Variants in GAN observed in about 807,000 individuals in gnomAD.
The protein encoded by GAN is epididymis secretory sperm binding protein.
In GAN, 48 loss-of-function variants were observed where a neutral mutation model predicts 71.3. The observed-to-expected ratio is 0.67, with a 90% confidence interval of 0.53 to 0.86. The LOEUF (loss-of-function observed/expected upper bound fraction) is 0.86, where lower values mean the gene tolerates loss of function less well. Among genes scored for constraint, GAN ranks in the 40% least tolerant of loss-of-function variants. The pLI is 0.00. For synonymous variants in GAN, 386 were observed against 276.8 expected (o/e 1.39, Z -3.92); for missense variants, 928 against 770.1 (o/e 1.21, Z -2.43).
intron 1 of GAN, among the ~76,000 whole-genome samples, chr16:81,335,805 G>GA (rs1331585149): frequency 6.6e-6 from 1 of 151,468 alleles, no homozygotes; most frequent in Non-Finnish European, 1.5e-5. Flanking sequence ...TCTGTGTGAG[G>GA]AAAAAAGTTT....
chr16:81,369,564 T>G (rs1050036020), intron 9 of GAN, among the ~76,000 whole-genome samples: 9 of 152,382 alleles, frequency 5.9e-5, no homozygotes, highest in East Asian at 3.9e-4. Context: ...CTAGCTTCTT[T>G]GGGTAGAATT....
chr16:81,330,025 C>A (rs892223308), intron 1 of GAN, among the ~76,000 whole-genome samples: 1 of 152,280 alleles, frequency 6.6e-6, no homozygotes, highest in South Asian at 2.1e-4. Context: ...ATCATCACCT[C>A]GCTCACTCTC....
chr16:81,353,388 G>T (rs762518240), intron 2 of GAN, among the ~76,000 whole-genome samples: 1 of 151,236 alleles, frequency 6.6e-6, no homozygotes, highest in East Asian at 1.9e-4. Context: ...TTTTTTTCAC[G>T]TGCCTATATT....
At position 81,387,350 on chromosome 16, in the gene GAN, C is replaced by T. The variant is rs310019; in HGVS notation, c.*9754C>T. On this transcript the variant is annotated 3_prime_UTR_variant, in exon 11 of 11. Transcript: ENST00000648994. ...GGTTGGCACGGCAACCTTCCCACTC[C>T]GTAGGTGGGTAGCCTTGCTGATGGG... 0.35 allele frequency: 52,774 copies of T among 151,958 alleles called. 9,395 individuals carry two copies. Among genetic ancestry groups the T allele is most frequent in the Non-Finnish European group, 0.37 (25,447 of 67,972 alleles). The allele number at this position is 151,958 out of a possible 1,614,324, so 9.4% of individuals were successfully genotyped here.
intron 1 of GAN, among the ~76,000 whole-genome samples, chr16:81,348,315 T>G (rs1200273708): frequency 2.0e-5 from 3 of 152,270 alleles, no homozygotes; most frequent in East Asian, 3.8e-4. Context: ...CAATATCCTG[T>G]CTTTTCCCTC....
chr16:81,377,328 GGTAAGAGTGTTACA>G lies in GAN; in HGVS notation c.1612+3_1612+16del. The G allele has an allele frequency of 6.3e-7, 1 of 1,584,092 alleles. No individual in the cohort carries two copies. The highest frequency in any genetic ancestry group is 8.7e-7 in the Non-Finnish European group (1 of 1,152,564). Reference sequence around the variant, plus strand: ...TTATGTTATTGGAGATCTTGATACAGGTAAGAGTGTTACAGTGATTTTCTTGGAACTGTTTCCTG... The same window carrying G: ...TTATGTTATTGGAGATCTTGATACAGGTGATTTTCTTGGAACTGTTTCCTG... On this transcript the variant is annotated splice_donor_variant and splice_donor_5th_base_variant and intron_variant, in intron 10 of 10. Coordinates refer to ENST00000648994, the MANE Select transcript of GAN (RefSeq NM_022041.4). LOFTEE classifies it high-confidence loss of function.
At chr16:81,363,137 A>C (rs377033881) in intron 6 of GAN, among the ~76,000 whole-genome samples, 80 of 152,342 alleles carry the variant, frequency 5.3e-4, no homozygotes, top group African/African-American at 1.9e-3. Context: ...TATGATCCCA[A>C]ATAGCCTTGG....
rs369086429 is a variant in GAN, at chr16:81,315,185, C to T, written c.72C>T (p.Arg24=). Residue 24 remains arginine, a synonymous_variant, in exon 1 of 11, where the codon CGC becomes CGT. Transcript: ENST00000648994. The part of the protein sequence containing the change: ...ARLLRALSSF[R]EESRFCDAHL... The stretch of plus-strand genomic sequence containing the variant: ...TGCTGCGAGCGCTCAGCTCTTTCCG[C>T]GAGGAGTCTCGCTTCTGCGACGCGC... 25 of 1,573,562 alleles carry T rather than the reference C, an allele frequency of 1.6e-5. No homozygotes were observed. The South Asian group carries it at 2.9e-4, about 18-fold the overall frequency.
rs568868137 is a variant in GAN at position 81,384,614 on chromosome 16, A to G, written c.*7018A>G. 1 of 152,274 alleles carries G rather than the reference A, an allele frequency of 6.6e-6. No individual in the cohort carries two copies. The highest frequency in any genetic ancestry group is 1.9e-4 in the East Asian group (1 of 5,188). The allele number at this position is 152,274 out of a possible 1,614,324, so 9.4% of individuals were successfully genotyped here. On this transcript the variant is annotated 3_prime_UTR_variant, in exon 11 of 11. Transcript: ENST00000648994. Reference sequence around the variant, plus strand: ...TATAAGGTGCTATTGTTTCCCAGAAATCTTTAATTTTGATGAAAATCTACT... The same window carrying G: ...TATAAGGTGCTATTGTTTCCCAGAAGTCTTTAATTTTGATGAAAATCTACT...
intron 9 of GAN, among the ~76,000 whole-genome samples, chr16:81,372,908 G>A (rs1178080945): frequency 6.6e-6 from 1 of 152,144 alleles, no homozygotes; most frequent in Non-Finnish European, 1.5e-5. Context: ...TTTATTGGAG[G>A]CATTTGGGAG....
chr16:81,356,837 G>A lies in GAN; in HGVS notation c.686G>A (p.Ser229Asn), dbSNP rs1910502298. 6.2e-7 allele frequency: 1 copy of A among 1,613,996 alleles called. No homozygotes were observed. Among genetic ancestry groups the A allele is most frequent in the Non-Finnish European group, 8.5e-7 (1 of 1,179,846 alleles). ...SALWVSGLDS[S>N]YLREQMLNEP... ...CTGTGGGTTTCAGGGTTGGACTCCA[G>A]TTATTTACGGGAACAGATGCTGAAT... The change falls in exon 4 of 11, where the codon AGT becomes AAT. Residue 229 changes from serine (S) to asparagine (N), a missense_variant. Physicochemically the swap from Ser to Asn is conservative, Grantham distance 46. Transcript: ENST00000648994.
Position 81,380,693 on chromosome 16 carries a change from T to G in GAN, c.*3097T>G, listed in dbSNP as rs1355827026. The G allele has an allele frequency of 2.0e-5, 3 of 152,222 alleles. No homozygotes were observed. The highest frequency in any genetic ancestry group is 1.3e-4 in the Admixed American group (2 of 15,290). 9.4% of individuals were successfully genotyped at this position (152,222 alleles called of 1,614,324 possible). A position where few individuals can be genotyped will look rare whatever the true frequency, so the allele number is the denominator to read the frequency against. On this transcript the variant is annotated 3_prime_UTR_variant, in exon 11 of 11. Coordinates refer to ENST00000648994, the MANE Select transcript of GAN (RefSeq NM_022041.4). ...GATAAATTCTTGAGCCTGTTGACCT[T>G]CAGTTTATACTACTGTGTCGAACTC...
chr16:81,347,630 TC>T (rs1910164131), intron 1 of GAN, among the ~76,000 whole-genome samples: 1 of 151,936 alleles, frequency 6.6e-6, no homozygotes, highest in African/African-American at 2.4e-5. Flanking sequence ...ATGTCTTTGT[TC>T]CCCCCTGCCA....
At chr16:81,355,088 C>G (rs567579653) in intron 3 of GAN, among the ~76,000 whole-genome samples, 6 of 152,280 alleles carry the variant, frequency 3.9e-5, no homozygotes, top group African/African-American at 1.2e-4. Flanking sequence ...GCATCCTGAC[C>G]TACTATATCA....
At chr16:81,339,657 G>T (rs372817621) in intron 1 of GAN, among the ~76,000 whole-genome samples, 19 of 152,302 alleles carry the variant, frequency 1.2e-4, no homozygotes, top group African/African-American at 4.3e-4. Context: ...TATTGATAAG[G>T]TGCTGGGGAA....
At position 81,389,284 on chromosome 16, in the gene GAN, C is replaced by T. The variant is rs1051065233; in HGVS notation, c.*11688C>T. ...TGAATTCAGCTTGTGTTTGGTTCCTCGGTCTTGTACCCCTTCAGTTCGCCG... is the reference window on the plus strand; with the variant it reads ...TGAATTCAGCTTGTGTTTGGTTCCTTGGTCTTGTACCCCTTCAGTTCGCCG... On this transcript the variant is annotated 3_prime_UTR_variant, in exon 11 of 11. Coordinates refer to ENST00000648994, the MANE Select transcript of GAN (RefSeq NM_022041.4). 2.6e-5 allele frequency: 4 copies of T among 152,182 alleles called. No homozygotes were observed. Among genetic ancestry groups the T allele is most frequent in the African/African-American group, 7.2e-5 (3 of 41,444 alleles). 9.4% of individuals were successfully genotyped at this position (152,182 alleles called of 1,614,324 possible). A position where few individuals can be genotyped will look rare whatever the true frequency, so the allele number is the denominator to read the frequency against.
intron 6 of GAN, 139 bp from the exon 7 acceptor site, chr16:81,363,655 C>T (rs1910751725): frequency 2.5e-6 from 2 of 813,326 alleles, no homozygotes; most frequent in Non-Finnish European, 4.2e-6. Flanking sequence ...TGCTCCTCTC[C>T]CTGTCTCCTT....
intron 1 of GAN, among the ~76,000 whole-genome samples, chr16:81,321,269 C>T (rs533828155): frequency 2.0e-5 from 3 of 152,244 alleles, no homozygotes; most frequent in South Asian, 2.1e-4. Context: ...TCAGATTTAT[C>T]GTAGAACTTT....
chr16:81,369,048 TG>T (rs1910953176), intron 9 of GAN, among the ~76,000 whole-genome samples: 1 of 152,238 alleles, frequency 6.6e-6, no homozygotes. Context: ...TAAATCCTCT[TG>T]TGTTTTACTG....
Sources: allele counts gnomAD v4.1 joint callset (sites outside exome capture counted in the v4.1 genomes callset), GRCh38; gene constraint gnomAD v4.1.1; transcripts MANE v1.5; gene names NCBI Gene and HGNC (gene_info 2026-07-23, HGNC 2026-07-21).